RHOBTB3: variants seen among roughly 807,000 people sequenced by gnomAD.
RHOBTB3 encodes Rho related BTB domain containing 3.
In RHOBTB3, 47 loss-of-function variants were observed where a neutral mutation model predicts 67.2. The observed-to-expected ratio is 0.70, with a 90% CI of 0.55 to 0.89. The LOEUF (loss-of-function observed/expected upper bound fraction) is 0.89, where lower values mean the gene tolerates loss of function less well. RHOBTB3 is among the 40% of genes least tolerant of loss of function. RHOBTB3 has a pLI of 0.00. For missense variants in RHOBTB3, 631 were observed against 750.0 expected, an observed-to-expected ratio of 0.84 and a Z score of 1.85; for synonymous variants, 273 against 274.2, an observed-to-expected ratio of 1.00 and a Z score of 0.04.
In RHOBTB3 at chr5:95,763,985, T is replaced by G. The variant is rs1473076697; in HGVS notation, c.1161+365T>G. Among the ~76,000 whole-genome samples, 9 of 152,174 alleles carry G rather than the reference T, an allele frequency of 5.9e-5. No homozygotes were observed. In the East Asian group the frequency reaches 1.7e-3, roughly 29 times the overall value. The stretch of plus-strand genomic sequence containing the variant: ...TCACCATACCTGGCTAATTTTTAAA[T>G]TTTTTGTAGAGACGTGGTTTTTCCA... On this transcript the variant is annotated intron_variant, in intron 7 of 11. Transcript: ENST00000379982.
intron 9 of RHOBTB3, chr5:95,783,561 C>CAAAAAAAAAAAAAAAAA (rs201633409): frequency 2.5e-4 from 27 of 107,644 alleles, no homozygotes; most frequent in African/African-American, 3.8e-4. Flanking sequence ...CCTGTCTCTA[C>CAAAAAAAAAAAAAAAAA]AAAAAAAAAA....
intron 3 of RHOBTB3, among the ~76,000 whole-genome samples, chr5:95,744,245 C>A (rs1580401039): frequency 1.3e-5 from 2 of 152,080 alleles, no homozygotes; most frequent in Non-Finnish European, 2.9e-5. Context: ...ACTGTAGTGC[C>A]CCTCTACACA....
intron 8 of RHOBTB3, among the ~76,000 whole-genome samples, chr5:95,774,348 G>A (rs1247440652): frequency 6.6e-6 from 1 of 152,088 alleles, no homozygotes. Context: ...TAGAAAAAGG[G>A]GTTGGGAAAA....
Position 95,748,379 on chromosome 5 carries a change from C to T in RHOBTB3, c.462C>T (p.Ser154=), listed in dbSNP as rs911635052. 1 of 1,612,808 alleles carries T rather than the reference C, an allele frequency of 6.2e-7. No individual in the cohort carries two copies. Among genetic ancestry groups the T allele is most frequent in the Non-Finnish European group, 8.5e-7 (1 of 1,179,074 alleles). ...TCPLCTSDRG[S]CVSTTEGIQL... ...CACTATGTACCTCAGACAGAGGGAG[C>T]TGTGTTAGTACAACTGAAGGGATCC... Residue 154 remains serine, a synonymous_variant, in exon 4 of 12, where the codon AGC becomes AGT. Coordinates refer to ENST00000379982, the MANE Select transcript of RHOBTB3 (RefSeq NM_014899.4).
In RHOBTB3 at chr5:95,793,958, T is replaced by G; in HGVS notation, c.*784T>G. ...TGTGCTGAGCCCTCAAAATTATGTC[T>G]GTTTCGTGGTGGGAAATATCCTATG... On this transcript the variant is annotated 3_prime_UTR_variant, in exon 12 of 12. Transcript: ENST00000379982. The G allele has an allele frequency of 2.2e-6, 1 of 453,930 alleles. No homozygotes were observed. The allele number at this position is 453,930 out of a possible 1,614,324, so 28.1% of individuals were successfully genotyped here.
chr5:95,722,575 C>T (rs895612785), intron 1 of RHOBTB3, among the ~76,000 whole-genome samples: 9 of 152,250 alleles, frequency 5.9e-5, no homozygotes, highest in East Asian at 1.9e-4. Context: ...ACGCAACCTC[C>T]GCCTCCTGGG....
In RHOBTB3 at chr5:95,731,588, A is replaced by G; in HGVS notation, c.-95A>G. The G allele has an allele frequency of 6.4e-7, 1 of 1,572,658 alleles. No individual in the cohort carries two copies. Among genetic ancestry groups the G allele is most frequent in the Non-Finnish European group, 8.6e-7 (1 of 1,160,056 alleles). On this transcript the variant is annotated 5_prime_UTR_variant, in exon 1 of 12. Transcript: ENST00000379982. Reference sequence around the variant, plus strand: ...CGCGAGGGGGACGCGGCCGGGGATGAGCGGATTGCGGGTGAACTCGCCGCC... The same window carrying G: ...CGCGAGGGGGACGCGGCCGGGGATGGGCGGATTGCGGGTGAACTCGCCGCC...
intron 3 of RHOBTB3, among the ~76,000 whole-genome samples, chr5:95,742,627 C>T (rs1057513256): frequency 6.6e-6 from 1 of 152,128 alleles, no homozygotes; most frequent in Admixed American, 6.5e-5. Context: ...AGTTCCTTGG[C>T]CTTTTCTTCT....
chr5:95,789,063 G>T, intron 11 of RHOBTB3: 1 of 445,994 alleles, frequency 2.2e-6, no homozygotes, highest in African/African-American at 2.1e-5. Flanking sequence ...TACACAAGAA[G>T]TTTTCTAATG....
chr5:95,754,260 A>G (rs1346643698), intron 5 of RHOBTB3, among the ~76,000 whole-genome samples: 2 of 152,206 alleles, frequency 1.3e-5, no homozygotes, highest in Non-Finnish European at 2.9e-5. Context: ...TGTGTGTATA[A>G]CACTAAAGAT....
chr5:95,765,852 C>T (rs149434172), intron 7 of RHOBTB3, among the ~76,000 whole-genome samples: 86 of 152,220 alleles, frequency 5.6e-4, no homozygotes, highest in African/African-American at 1.9e-3. Context: ...TGAGTGGAGA[C>T]GGGGTTTCAC....
intron 3 of RHOBTB3, among the ~76,000 whole-genome samples, chr5:95,742,564 A>G (rs1189824081): frequency 1.3e-5 from 2 of 152,004 alleles, no homozygotes; most frequent in East Asian, 1.9e-4. Context: ...TGATTATTTT[A>G]TCTTTCTTTT....
At chr5:95,734,917 G>T (rs1190651506) in intron 2 of RHOBTB3, among the ~76,000 whole-genome samples, 8 of 152,042 alleles carry the variant, frequency 5.3e-5, no homozygotes, top group Admixed American at 2.6e-4. Context: ...CAGTAACTCT[G>T]GAATTTTGAA....
At chr5:95,729,864 G>A (rs975161152), upstream of RHOBTB3, among the ~76,000 whole-genome samples, 6 of 152,220 alleles carry the variant, frequency 3.9e-5, no homozygotes, top group East Asian at 3.9e-4. Context: ...TTTTTTAAAC[G>A]CTAATCATCC....
At chr5:95,791,725 T>C (rs571041185) in intron 11 of RHOBTB3, among the ~76,000 whole-genome samples, 3 of 152,096 alleles carry the variant, frequency 2.0e-5, no homozygotes, top group South Asian at 4.1e-4. Flanking sequence ...TTTTTTTTTT[T>C]AGTAGAGACG....
chr5:95,773,081 C>G (rs1222695787), intron 8 of RHOBTB3, among the ~76,000 whole-genome samples: 3 of 152,156 alleles, frequency 2.0e-5, no homozygotes. Context: ...TAGCATAACT[C>G]ACTGAAAAGA....
At chr5:95,747,081 A>T (rs1201002638) in intron 3 of RHOBTB3, among the ~76,000 whole-genome samples, 1 of 152,140 alleles carries the variant, frequency 6.6e-6, no homozygotes, top group Non-Finnish European at 1.5e-5. Context: ...GCTGATGCAC[A>T]TCTGAGCCCC....
chr5:95,753,384 T>A (rs1166374947), intron 5 of RHOBTB3, among the ~76,000 whole-genome samples: 1 of 152,174 alleles, frequency 6.6e-6, no homozygotes, highest in Non-Finnish European at 1.5e-5. Flanking sequence ...TCAACTTTTT[T>A]GACTGTTTGA....
Position 95,764,375 on chromosome 5 carries a change from A to G in RHOBTB3, c.1161+755A>G, listed in dbSNP as rs77553951. Among the ~76,000 whole-genome samples, 891 of 152,314 alleles carry G rather than the reference A, an allele frequency of 5.8e-3. 10 individuals carry two copies. The highest frequency in any genetic ancestry group is 0.047 in the South Asian group (226 of 4,824). ...GTCCCTTTTTCAAGTGTTCTGAGAAATCTATTCAACGAGGTGGACAGTTAA... is the reference window on the plus strand; with the variant it reads ...GTCCCTTTTTCAAGTGTTCTGAGAAGTCTATTCAACGAGGTGGACAGTTAA... On this transcript the variant is annotated intron_variant, in intron 7 of 11. Transcript: ENST00000379982.
Sources: gnomAD v4.1 joint callset for allele counts (sites outside exome capture counted in the v4.1 genomes callset) on GRCh38, gnomAD v4.1.1 for gene constraint, MANE v1.5 for transcripts, NCBI Gene and HGNC (gene_info 2026-07-23, HGNC 2026-07-21) for gene names.